Variants in DSCAML1 observed in about 807,000 individuals in gnomAD.
DSCAML1 encodes the protein DS cell adhesion molecule like 1, also known as cell adhesion molecule DSCAML1.
DSCAML1 carries 38 observed loss-of-function variants against 200.5 expected under a neutral mutation model. The ratio of observed to expected loss-of-function variants is 0.19; its 90% CI spans 0.15 to 0.25. DSCAML1 has a LOEUF of 0.25. DSCAML1 is among the 10% of genes least tolerant of loss of function. The probability of loss-of-function intolerance (pLI) is 1.00; values close to 1 mark genes in which losing one functional copy is unlikely to be tolerated. For synonymous variants in DSCAML1, 1,215 were observed against 1,165.0 expected (o/e 1.04, Z -0.87); for missense variants, 2,223 against 2,858.8 (o/e 0.78, Z 5.07).
intron 3 of DSCAML1, among the ~76,000 whole-genome samples, chr11:117,548,694 G>A (rs367669885): frequency 2.6e-5 from 4 of 152,284 alleles, no homozygotes; most frequent in Non-Finnish European, 2.9e-5. Flanking sequence ...CGAGTGCACC[G>A]TTAGTTCTGG....
intron 3 of DSCAML1, among the ~76,000 whole-genome samples, chr11:117,693,345 GGT>G (rs763284562): frequency 2.0e-5 from 3 of 152,162 alleles, no homozygotes; most frequent in Non-Finnish European, 4.4e-5. Flanking sequence ...CAATCTGAAA[GGT>G]GTTTCGGATC....
At chr11:117,576,944 A>G (rs958003542) in intron 3 of DSCAML1, among the ~76,000 whole-genome samples, 2 of 152,250 alleles carry the variant, frequency 1.3e-5, no homozygotes, top group African/African-American at 4.8e-5. Flanking sequence ...GAGGGCGTCC[A>G]CTTTTCACAT....
At chr11:117,621,644 A>AT (rs974575221) in intron 3 of DSCAML1, among the ~76,000 whole-genome samples, 21 of 152,244 alleles carry the variant, frequency 1.4e-4, no homozygotes, top group African/African-American at 4.1e-4. Flanking sequence ...GGCTATATAT[A>AT]TTTTTTTGGG....
At chr11:117,459,415 C>T (rs2048437044) in intron 18 of DSCAML1, among the ~76,000 whole-genome samples, 1 of 152,238 alleles carries the variant, frequency 6.6e-6, no homozygotes, top group Non-Finnish European at 1.5e-5. Context: ...GAGGCTGCCT[C>T]CCCTGCCTCT....
chr11:117,458,997 CTACTGCACA>C, intron 18 of DSCAML1, 88 bp from the exon 19 acceptor site: 1 of 1,511,618 alleles, frequency 6.6e-7, no homozygotes. Flanking sequence ...CTGCCCACAC[CTACTGCACA>C]GGCTCAGCCC....
chr11:117,701,520 G>A (rs1422318536), intron 3 of DSCAML1, among the ~76,000 whole-genome samples: 1 of 152,222 alleles, frequency 6.6e-6, no homozygotes, highest in East Asian at 1.9e-4. Context: ...GAGGTACACA[G>A]GCAGGCCTCT....
chr11:117,816,849 C>T (rs2055814414), intron 1 of DSCAML1, among the ~76,000 whole-genome samples: 1 of 150,636 alleles, frequency 6.6e-6, no homozygotes, highest in Admixed American at 6.6e-5. Context: ...TTTAGAAAAA[C>T]TGGAGGCCCA....
At chr11:117,521,773 C>A (rs1199885545) in intron 5 of DSCAML1, among the ~76,000 whole-genome samples, 1 of 152,070 alleles carries the variant, frequency 6.6e-6, no homozygotes, top group Admixed American at 6.5e-5. Flanking sequence ...GGGGGGGGCA[C>A]CCTTGGCCCA....
chr11:117,665,503 T>C (rs1264496989), intron 3 of DSCAML1, among the ~76,000 whole-genome samples: 1 of 152,166 alleles, frequency 6.6e-6, no homozygotes, highest in East Asian at 1.9e-4. Flanking sequence ...GAAGTGCATA[T>C]GATTTTGGCA....
Position 117,518,662 on chromosome 11 carries a change from C to T in DSCAML1, c.1314G>A (p.Thr438=), listed in dbSNP as rs376797108. 19 of 1,613,228 alleles carry T rather than the reference C, an allele frequency of 1.2e-5. No homozygotes were observed. The highest frequency in any genetic ancestry group is 3.3e-5 in the South Asian group (3 of 91,060). ...MCAAKGAPPP[T]VTWALDDEPI... ...GCTCATCGTCGAGGGCCCAGGTGACCGTGGGGGGCGGGGCGCCCTTGGCCG... is the reference window on the plus strand; with the variant it reads ...GCTCATCGTCGAGGGCCCAGGTGACTGTGGGGGGCGGGGCGCCCTTGGCCG... Residue 438 remains threonine, a synonymous_variant, in exon 7 of 33, where the codon ACG becomes ACA. Coordinates refer to ENST00000651296, the MANE Select transcript of DSCAML1 (RefSeq NM_020693.4). The surrounding 1 kb of genome is among the most constrained non-coding windows in gnomAD (Gnocchi z 6.3).
intron 3 of DSCAML1, among the ~76,000 whole-genome samples, chr11:117,604,495 T>C (rs959564519): frequency 1.3e-5 from 2 of 152,124 alleles, no homozygotes; most frequent in African/African-American, 4.8e-5. Context: ...TGGTGGGCCC[T>C]GCTCATAAAT....
chr11:117,702,694 T>C (rs754472362), intron 3 of DSCAML1, among the ~76,000 whole-genome samples: 2 of 152,248 alleles, frequency 1.3e-5, no homozygotes, highest in Non-Finnish European at 2.9e-5. Context: ...TAAATAATGG[T>C]ATAACAATCA....
At chr11:117,512,643 TACACACACACACACACACACAC>T (rs71037481) in intron 8 of DSCAML1, among the ~76,000 whole-genome samples, 3 of 125,140 alleles carry the variant, frequency 2.4e-5, no homozygotes, top group African/African-American at 9.3e-5. Context: ...CAAGCGTGTG[TACACACACACACACACACACAC>T]ACACACACAC....
Position 117,526,912 on chromosome 11 carries a change from AAG to A in DSCAML1, c.659-1831_659-1830del, listed in dbSNP as rs532254896. ...CAGCACTTTGGGAGGCTGAGGTGGG[AAG>A]ATCACTTGAGCCCAGGAGTTGGAGA... On this transcript the variant is annotated intron_variant, in intron 4 of 32. Transcript: ENST00000651296. Among the ~76,000 whole-genome samples, 44 of 152,278 alleles carry A rather than the reference AAG, an allele frequency of 2.9e-4. No individual in the cohort carries two copies. In the South Asian group the frequency reaches 5.6e-3, roughly 19 times the overall value.
At chr11:117,520,686 A>C (rs2049868421) in intron 6 of DSCAML1, among the ~76,000 whole-genome samples, 2 of 151,992 alleles carry the variant, frequency 1.3e-5, no homozygotes, top group African/African-American at 2.4e-5. Context: ...CCAGTTCAAG[A>C]CCAGCCTGAG....
intron 11 of DSCAML1, among the ~76,000 whole-genome samples, chr11:117,487,748 A>G (rs2049105313): frequency 6.6e-6 from 1 of 152,196 alleles, no homozygotes; most frequent in African/African-American, 2.4e-5. Context: ...CATGCTGAGA[A>G]CTGGGAATTA....
At chr11:117,470,411 T>TA (rs1437429633) in intron 15 of DSCAML1, among the ~76,000 whole-genome samples, 2 of 152,076 alleles carry the variant, frequency 1.3e-5, no homozygotes, top group African/African-American at 4.8e-5. Context: ...CTGTCTCTAC[T>TA]AAAAATACAA....
intron 3 of DSCAML1, among the ~76,000 whole-genome samples, chr11:117,664,602 G>C (rs993086954): frequency 2.6e-5 from 4 of 152,194 alleles, no homozygotes; most frequent in African/African-American, 9.7e-5. Flanking sequence ...ATTTAAAAAA[G>C]GGTAGGGGGC....
intron 3 of DSCAML1, among the ~76,000 whole-genome samples, chr11:117,645,809 G>GT (rs948708761): frequency 1.3e-5 from 2 of 151,224 alleles, no homozygotes; most frequent in African/African-American, 4.9e-5. Context: ...TAGATGACGA[G>GT]TTAGTGGGTG....
Sources: gnomAD v4.1 joint callset for allele counts (sites outside exome capture counted in the v4.1 genomes callset) on GRCh38, gnomAD v4.1.1 for gene constraint, Gnocchi (gnomAD v3.1) non-coding constraint, MANE v1.5 for transcripts, NCBI Gene and HGNC (gene_info 2026-07-23, HGNC 2026-07-21) for gene names.